The following LLGL2 variants were observed in gnomAD, a reference collection of about 807,000 sequenced individuals.
LLGL2 encodes the protein LLGL scribble cell polarity complex component 2, also known as LLGL2, scribble cell polarity complex component.
A neutral mutation model predicts 123.2 loss-of-function variants in LLGL2; 81 were observed. The ratio of observed to expected loss-of-function variants is 0.66; its 90% CI spans 0.55 to 0.79. LLGL2 has a LOEUF of 0.79. Among genes scored for constraint, LLGL2 ranks in the 30% least tolerant of loss-of-function variants. The pLI is 0.00. For missense variants in LLGL2, 1,273 were observed against 1,414.6 expected, an observed-to-expected ratio of 0.90 and a Z score of 1.61; for synonymous variants, 577 against 594.1, an observed-to-expected ratio of 0.97 and a Z score of 0.42.
chr17:75,532,247 C>T (rs573035893), intron 1 of LLGL2, among the ~76,000 whole-genome samples: 7 of 151,528 alleles, frequency 4.6e-5, no homozygotes, highest in South Asian at 4.2e-4. Flanking sequence ...CTACCATGCC[C>T]AGCTAATTTT....
rs1296999431 is a variant in LLGL2 at position 75,573,526 on chromosome 17, C to A, written c.2771C>A (p.Ser924Tyr). The change falls in exon 21 of 26, where the codon TCC (serine) becomes TAC (tyrosine). Residue 924 changes from serine (S) to tyrosine (Y), a missense_variant. Coordinates refer to ENST00000392550, the MANE Select transcript of LLGL2 (RefSeq NM_001031803.2). ...TCGGAGTTTGAGCGCTTCTCTCTCT[C>A]CACCAAGTGGCTGGTGGAGCCCCGG... is the stretch of plus-strand genomic sequence containing the variant. ...SPSEFERFSL[S>Y]TKWLVEPRCL... 1 of 1,612,948 alleles carries A rather than the reference C, an allele frequency of 6.2e-7. No homozygotes were observed. Among genetic ancestry groups the A allele is most frequent in the Non-Finnish European group, 8.5e-7 (1 of 1,179,880 alleles).
chr17:75,567,643 A>C (rs575844281), intron 10 of LLGL2, among the ~76,000 whole-genome samples: 1 of 150,578 alleles, frequency 6.6e-6, no homozygotes, highest in East Asian at 2.0e-4. Context: ...CATCTCAAAA[A>C]AAAAAGAGAA....
chr17:75,540,417 C>T (rs1364554830), intron 1 of LLGL2, among the ~76,000 whole-genome samples: 1 of 152,172 alleles, frequency 6.6e-6, no homozygotes, highest in African/African-American at 2.4e-5. Flanking sequence ...CTGCCTTGGT[C>T]CTCCTGGCTC....
intron 6 of LLGL2, among the ~76,000 whole-genome samples, chr17:75,561,929 A>T (rs1040397704): frequency 1.3e-5 from 2 of 152,176 alleles, no homozygotes; most frequent in Admixed American, 6.5e-5. Context: ...TCTCAAAAAA[A>T]AAAAATTAAA....
At chr17:75,554,936 A>T (rs898714815) in intron 2 of LLGL2, among the ~76,000 whole-genome samples, 1 of 149,492 alleles carries the variant, frequency 6.7e-6, no homozygotes, top group Non-Finnish European at 1.5e-5. Flanking sequence ...TCACGCTTGT[A>T]ATCCTAGCAC....
At position 75,559,546 on chromosome 17, in the gene LLGL2, T is replaced by C; in HGVS notation, c.530+136T>C. On this transcript the variant is annotated intron_variant, in intron 6 of 25. Transcript: ENST00000392550. This position sits in a 1 kb window ranked among gnomAD's most constrained non-coding sequence, Gnocchi z 4.6. ...ATGGGGCTATAGCAGGGGAGGCTCT[T>C]GGCTTCCTACCTGTCACCTACTGAG... 2 of 1,126,320 alleles carry C rather than the reference T, an allele frequency of 1.8e-6. No individual in the cohort carries two copies. Among genetic ancestry groups the C allele is most frequent in the East Asian group, 2.6e-5 (1 of 38,916 alleles). The allele number at this position is 1,126,320 out of a possible 1,614,324, so 69.8% of individuals were successfully genotyped here. A position where few individuals can be genotyped will look rare whatever the true frequency, so the allele number is the denominator to read the frequency against.
At chr17:75,557,950 G>C in intron 3 of LLGL2, 1 of 664,022 alleles carries the variant, frequency 1.5e-6, no homozygotes. Context: ...ATCTCCCAGG[G>C]ATCAGGTCAC....
chr17:75,569,316 G>A lies in LLGL2; in HGVS notation c.1572G>A (p.Thr524=), dbSNP rs577005187. Residue 524 remains threonine (T), a synonymous_variant, in exon 14 of 26, where the codon ACG becomes ACA. Transcript: ENST00000392550. ...GCGGCTACCTGGCTGTGGCAGGCAC[G>A]GCAGGGCAGGTAGCAGGCTGGGCTG... is the stretch of plus-strand genomic sequence containing the variant. The part of the protein sequence containing the change: ...KYSGYLAVAG[T]AGQVLVLELN... 15 of 1,612,454 alleles carry A rather than the reference G, an allele frequency of 9.3e-6. No homozygotes were observed. The highest frequency in any genetic ancestry group is 2.7e-5 in the African/African-American group (2 of 74,936).
At chr17:75,530,586 C>T (rs1018894176) in intron 1 of LLGL2, among the ~76,000 whole-genome samples, 2 of 149,282 alleles carry the variant, frequency 1.3e-5, no homozygotes, top group Non-Finnish European at 3.0e-5. Context: ...GGAGGCAGAG[C>T]TGGCAGTGAG....
rs1186562407 is a variant in LLGL2 at position 75,543,268 on chromosome 17, A to G, written c.-30-129A>G. Reference sequence around the variant, plus strand: ...CAGGGTGCATGGGCGGTCACTGTGAAGCTGGCCTGGCCCCGGGGTGGCAGC... The same window carrying G: ...CAGGGTGCATGGGCGGTCACTGTGAGGCTGGCCTGGCCCCGGGGTGGCAGC... On this transcript the variant is annotated intron_variant, in intron 1 of 25. Coordinates refer to ENST00000392550, the MANE Select transcript of LLGL2 (RefSeq NM_001031803.2). 4 of 573,618 alleles carry G rather than the reference A, an allele frequency of 7.0e-6. No homozygotes were observed. In the African/African-American group the frequency reaches 7.7e-5, roughly 11 times the overall value. 35.5% of individuals were successfully genotyped at this position (573,618 alleles called of 1,614,324 possible).
intron 1 of LLGL2, among the ~76,000 whole-genome samples, chr17:75,530,379 G>A (rs530260049): frequency 1.1e-4 from 17 of 151,908 alleles, no homozygotes; most frequent in East Asian, 3.9e-4. Flanking sequence ...AGCCAGGCGC[G>A]GTGTCTCACG....
chr17:75,563,223 G>A (rs1458458667), intron 7 of LLGL2, 45 bp downstream of exon 7: 1 of 1,610,378 alleles, frequency 6.2e-7, no homozygotes, highest in East Asian at 2.2e-5. Flanking sequence ...TGCTCTCCCA[G>A]GGCCCCAAGT....
intron 2 of LLGL2, among the ~76,000 whole-genome samples, chr17:75,543,849 G>T (rs1025152230): frequency 2.0e-5 from 3 of 152,162 alleles, no homozygotes; most frequent in Non-Finnish European, 2.9e-5. Context: ...GTTTAGGGAC[G>T]TGGGAGATGA....
intron 2 of LLGL2, among the ~76,000 whole-genome samples, chr17:75,555,527 G>A (rs2054870090): frequency 3.9e-5 from 6 of 152,192 alleles, no homozygotes; most frequent in Admixed American, 3.9e-4. Flanking sequence ...GACAGTAAGA[G>A]TCTGTGAGAC....
At chr17:75,526,853 C>T (rs2053591627) in intron 1 of LLGL2, among the ~76,000 whole-genome samples, 2 of 151,952 alleles carry the variant, frequency 1.3e-5, no homozygotes, top group Non-Finnish European at 2.9e-5. Context: ...GTGGCCCAGC[C>T]CGGGGGAAGC....
chr17:75,565,166 C>T (rs1335772504), intron 10 of LLGL2, among the ~76,000 whole-genome samples: 4 of 152,246 alleles, frequency 2.6e-5, no homozygotes, highest in African/African-American at 9.6e-5. Flanking sequence ...AGCCCGCCTT[C>T]TGGGCAGGGC....
At chr17:75,557,327 C>T (rs887970824) in intron 3 of LLGL2, among the ~76,000 whole-genome samples, 3 of 152,210 alleles carry the variant, frequency 2.0e-5, no homozygotes, top group Admixed American at 6.5e-5. Flanking sequence ...CTCCCACAGG[C>T]GGCAGAGAGT....
rs1242548515 is a variant in LLGL2 at position 75,573,574 on chromosome 17, C to T, written c.2819C>T (p.Thr940Ile). ...EPRCLVDSAETKNHRPGNGAG... is the reference protein window; with the variant it reads ...EPRCLVDSAEIKNHRPGNGAG... ...CGGTGTCTGGTGGATTCAGCAGAAA[C>T]CAAGAACCACCGCCCTGGTAACGGT... The change falls in exon 21 of 26, where the codon ACC becomes ATC. Residue 940 changes from threonine (T) to isoleucine (I), a missense_variant. Thr to Ile is a moderately conservative substitution (Grantham distance 89). Transcript: ENST00000392550. The T allele has an allele frequency of 6.2e-7, 1 of 1,612,776 alleles. No homozygotes were observed. The highest frequency in any genetic ancestry group is 1.1e-5 in the South Asian group (1 of 91,084).
At chr17:75,543,283 G>A (rs542426201) in intron 1 of LLGL2, 114 bp from the exon 2 acceptor site, 5 of 650,316 alleles carry the variant, frequency 7.7e-6, no homozygotes, top group African/African-American at 3.7e-5. Flanking sequence ...GCCTGGCCCC[G>A]GGGTGGCAGC....
Sources: allele counts gnomAD v4.1 joint callset (sites outside exome capture counted in the v4.1 genomes callset), GRCh38; gene constraint gnomAD v4.1.1; non-coding constraint Gnocchi (gnomAD v3.1); transcripts MANE v1.5; gene names NCBI Gene and HGNC (gene_info 2026-07-23, HGNC 2026-07-21).